STK3: variants seen among roughly 807,000 people sequenced by gnomAD.
STK3 encodes the protein serine/threonine kinase 3, also known as serine/threonine-protein kinase 3.
A neutral mutation model predicts 58.0 loss-of-function variants in STK3; 41 were observed. The observed-to-expected ratio is 0.71, with a 90% confidence interval of 0.55 to 0.92. The LOEUF is 0.92. Ranked by LOEUF, STK3 falls within the 40% of genes least tolerant of loss-of-function variation. The pLI is 0.00. For synonymous variants in STK3, 170 were observed against 191.0 expected (o/e 0.89, Z 0.91); for missense variants, 479 against 602.7 (o/e 0.79, Z 2.15).
chr8:98,366,575 A>G (rs1817566633), downstream of STK3, among the ~76,000 whole-genome samples: 1 of 152,238 alleles, frequency 6.6e-6, no homozygotes, highest in Admixed American at 6.5e-5. Flanking sequence ...CCACATAGGA[A>G]GCCAACATAC....
intron 1 of STK3, among the ~76,000 whole-genome samples, chr8:98,919,596 G>A (rs553408268): frequency 1.5e-4 from 23 of 152,260 alleles, no homozygotes; most frequent in African/African-American, 3.9e-4. Flanking sequence ...AACTTGGACC[G>A]CTAAGAGCCC....
chr8:98,472,278 T>C (rs1748699046), intron 10 of STK3, among the ~76,000 whole-genome samples: 1 of 152,154 alleles, frequency 6.6e-6, no homozygotes, highest in Non-Finnish European at 1.5e-5. Flanking sequence ...AAAAAAGAGA[T>C]GGCTTCTTAA....
chr8:98,757,067 G>GC (rs59246283), intron 3 of STK3, among the ~76,000 whole-genome samples: 47,675 of 152,006 alleles, frequency 0.31, 7,859 homozygotes, highest in East Asian at 0.44. Flanking sequence ...TCCCCGTGGA[G>GC]CCCCTGTGAC....
At position 98,579,755 on chromosome 8, in the gene STK3, A is replaced by G. The variant is rs749218138; in HGVS notation, c.857T>C (p.Ile286Thr). ...AGCTTCTGTGATCAGGTCTCTTAAT[A>G]TTGATACAGGTTTGGCATTCTTGAT... ...PFIKNAKPVS[I>T]LRDLITEAME... The change falls in exon 8 of 11, where the codon ATA becomes ACA. Residue 286 changes from isoleucine (I) to threonine (T), a missense_variant. Ile to Thr is a moderately conservative substitution (Grantham distance 89). This residue lies in a region of STK3 where 309 missense variants were observed against 355.7 expected (regional missense o/e 0.87). Coordinates refer to ENST00000419617, the MANE Select transcript of STK3 (RefSeq NM_006281.4). 1.2e-6 allele frequency: 2 copies of G among 1,601,850 alleles called. No homozygotes were observed. Among genetic ancestry groups the G allele is most frequent in the Admixed American group, 3.5e-5 (2 of 57,340 alleles).
downstream of STK3, among the ~76,000 whole-genome samples, chr8:98,366,969 A>G (rs1265370757): frequency 2.0e-5 from 3 of 152,242 alleles, no homozygotes; most frequent in African/African-American, 7.2e-5. Flanking sequence ...CCGGACATCA[A>G]GGCTCAGAAA....
intron 3 of STK3, among the ~76,000 whole-genome samples, chr8:98,404,827 G>A (rs891727180): frequency 1.3e-5 from 2 of 152,080 alleles, no homozygotes; most frequent in African/African-American, 4.8e-5. Context: ...CTCCAGCCTG[G>A]GCAACAGAGT....
At chr8:98,860,782 C>T (rs565743297) in intron 3 of STK3, among the ~76,000 whole-genome samples, 9 of 152,176 alleles carry the variant, frequency 5.9e-5, no homozygotes, top group South Asian at 2.1e-4. Context: ...GGGGTGGATG[C>T]GGTGGCTCAT....
At chr8:98,915,431 C>CATATATATATATAT (rs1564102087) in intron 1 of STK3, among the ~76,000 whole-genome samples, 3 of 34,164 alleles carry the variant, frequency 8.8e-5, no homozygotes, top group East Asian at 2.3e-3. Flanking sequence ...AATAAACTTT[C>CATATATATATATAT]CTATATATAT....
At chr8:98,630,661 A>G (rs917505883) in intron 6 of STK3, among the ~76,000 whole-genome samples, 1 of 148,782 alleles carries the variant, frequency 6.7e-6, no homozygotes, top group African/African-American at 2.5e-5. Flanking sequence ...GGAGAAGGAG[A>G]AGGAGAAGGA....
intron 6 of STK3, among the ~76,000 whole-genome samples, chr8:98,674,817 C>T (rs1045024877): frequency 6.6e-5 from 10 of 152,208 alleles, no homozygotes; most frequent in African/African-American, 1.9e-4. Flanking sequence ...TAGAAGAAGG[C>T]TGTTTTTTTG....
chr8:98,796,016 T>C (rs1833147190), intron 1 of STK3, among the ~76,000 whole-genome samples: 1 of 151,986 alleles, frequency 6.6e-6, no homozygotes, highest in African/African-American at 2.4e-5. Context: ...ATAAAAAACA[T>C]TTCATGTTCA....
chr8:98,920,068 T>C lies in STK3; in HGVS notation c.-79+22310A>G, dbSNP rs368626272. ...GTGTTTGCACAGGCCACTGTATTAA[T>C]AGTTACAAGCTTCCTAAGAGGAGGG... On this transcript the variant is annotated intron_variant, in intron 1 of 1. Coordinates refer to the STK3 transcript ENST00000519420. 2.1e-4 allele frequency among the ~76,000 whole-genome samples: 32 copies of C among 152,344 alleles called. No individual in the cohort carries two copies. In the East Asian group the frequency reaches 4.0e-3, roughly 19 times the overall value.
intron 6 of STK3, among the ~76,000 whole-genome samples, chr8:98,602,808 A>G (rs955640366): frequency 6.6e-6 from 1 of 152,074 alleles, no homozygotes; most frequent in Non-Finnish European, 1.5e-5. Flanking sequence ...AAAGTAGATG[A>G]AAGAGTCATA....
At chr8:98,926,094 C>T (rs958091925) in intron 1 of STK3, among the ~76,000 whole-genome samples, 7 of 152,086 alleles carry the variant, frequency 4.6e-5, no homozygotes, top group African/African-American at 1.7e-4. Context: ...TTGATAGGAA[C>T]CAGAATGTCT....
At chr8:98,885,605 A>C (rs1837959337) in intron 1 of STK3, among the ~76,000 whole-genome samples, 1 of 151,968 alleles carries the variant, frequency 6.6e-6, no homozygotes, top group African/African-American at 2.4e-5. Context: ...AGGCCGGCTA[A>C]TTTTTTGTAT....
At position 98,695,089 on chromosome 8, in the gene STK3, C is replaced by A. The variant is rs371108947; in HGVS notation, c.684+11378G>T. On this transcript the variant is annotated intron_variant, in intron 6 of 10. Transcript: ENST00000419617. ...CTCATTGTGGTTTTGGTTTGCATTT[C>A]TCTGATGGCCAGTGATGGTGAGCAT... 7.1e-4 allele frequency among the ~76,000 whole-genome samples: 108 copies of A among 152,324 alleles called. 2 individuals are homozygous for A. In the South Asian group the frequency reaches 0.022, roughly 32 times the overall value.
chr8:98,864,395 A>T (rs1422591412), intron 3 of STK3, among the ~76,000 whole-genome samples: 2 of 152,126 alleles, frequency 1.3e-5, no homozygotes, highest in African/African-American at 2.4e-5. Flanking sequence ...GTCTCTAAGG[A>T]CATTATAGAA....
intron 10 of STK3, among the ~76,000 whole-genome samples, chr8:98,522,414 G>A (rs1563696705): frequency 6.6e-6 from 1 of 152,036 alleles, no homozygotes; most frequent in African/African-American, 2.4e-5. Flanking sequence ...TAACTTTGCT[G>A]TTCCTTCCAT....
chr8:98,363,531 C>G, the STK3 span, among the ~76,000 whole-genome samples: 1 of 152,060 alleles, frequency 6.6e-6, no homozygotes, highest in Non-Finnish European at 1.5e-5. Context: ...AGGGCTAGAT[C>G]AGATTAAATT....
Sources: gnomAD v4.1 joint callset for allele counts (sites outside exome capture counted in the v4.1 genomes callset) on GRCh38, gnomAD v4.1.1 for gene constraint, gnomAD v4.1.1 regional missense constraint, MANE v1.5 for transcripts, NCBI Gene and HGNC (gene_info 2026-07-23, HGNC 2026-07-21) for gene names.